Variants in CPEB1 observed in about 807,000 individuals in gnomAD.
The protein encoded by CPEB1 is cytoplasmic polyadenylation element-binding protein 1.
A neutral mutation model predicts 65.8 loss-of-function variants in CPEB1; 7 were observed. That is an observed-to-expected ratio of 0.11 (90% confidence interval 0.06 to 0.20). The LOEUF is 0.20. Among genes scored for constraint, CPEB1 ranks in the 10% least tolerant of loss-of-function variants. The pLI is 1.00. For missense variants in CPEB1, 551 were observed against 712.2 expected (o/e 0.77, Z 2.58); for synonymous variants, 262 against 260.0 (o/e 1.01, Z -0.08).
At chr15:82,617,679 G>A (rs986571138) in intron 3 of CPEB1, among the ~76,000 whole-genome samples, 26 of 149,780 alleles carry the variant, frequency 1.7e-4, no homozygotes, top group Non-Finnish European at 3.1e-4. Context: ...AATTCTCTAT[G>A]CTAGCTTTGT....
chr15:82,647,489 G>T (rs1162601006), upstream of CPEB1: 2 of 202,044 alleles, frequency 9.9e-6, no homozygotes, highest in East Asian at 1.1e-4. Context: ...CCCGTGCGAC[G>T]GCAGTGTGAG....
intron 3 of CPEB1, among the ~76,000 whole-genome samples, chr15:82,603,481 G>A (rs987776572): frequency 1.3e-5 from 2 of 150,824 alleles, no homozygotes; most frequent in African/African-American, 4.9e-5. Context: ...TGAAATATGA[G>A]GCTTTATAAA....
At chr15:82,646,443 G>A (rs2047535208) in intron 1 of CPEB1, among the ~76,000 whole-genome samples, 2 of 152,200 alleles carry the variant, frequency 1.3e-5, no homozygotes, top group African/African-American at 4.8e-5. Context: ...CAGGGCCGGG[G>A]CTGCAGGCGC....
At chr15:82,559,780 C>A (rs2037875354) in intron 4 of CPEB1, among the ~76,000 whole-genome samples, 1 of 152,194 alleles carries the variant, frequency 6.6e-6, no homozygotes, top group Admixed American at 6.5e-5. Context: ...TAATCCCTGA[C>A]AAACTTCTCA....
Position 82,585,727 on chromosome 15 carries a change from A to G in CPEB1, c.272-14195T>C, listed in dbSNP as rs1039830875. ...TTAAAATAGCATGCAAGTAATAAGT[A>G]AAAGATGATCACTTTCACATCTCGG... On this transcript the variant is annotated intron_variant, in intron 3 of 12. Transcript: ENST00000684509. Among the ~76,000 whole-genome samples the G allele has an allele frequency of 2.6e-5, 4 of 152,198 alleles. No individual in the cohort carries two copies. In the South Asian group the frequency reaches 8.3e-4, roughly 31 times the overall value.
chr15:82,629,835 C>T, intron 1 of CPEB1: 1 of 985,436 alleles, frequency 1.0e-6, no homozygotes, highest in Non-Finnish European at 1.2e-6. Flanking sequence ...TGACCAAGAG[C>T]ATTTACAGTT....
chr15:82,621,178 A>G (rs780339176), intron 3 of CPEB1, among the ~76,000 whole-genome samples: 2 of 152,248 alleles, frequency 1.3e-5, no homozygotes, highest in Non-Finnish European at 2.9e-5. Flanking sequence ...ATCCAGTACA[A>G]TAAGAAGTGA....
chr15:82,586,553 CAA>C (rs1417509714), intron 3 of CPEB1, among the ~76,000 whole-genome samples: 4 of 152,022 alleles, frequency 2.6e-5, no homozygotes, highest in Non-Finnish European at 4.4e-5. Context: ...TGGTCAGAAC[CAA>C]AAGTTACCTA....
intron 1 of CPEB1, among the ~76,000 whole-genome samples, chr15:82,637,148 A>C (rs1236247503): frequency 6.6e-6 from 1 of 152,216 alleles, no homozygotes; most frequent in Admixed American, 6.5e-5. Flanking sequence ...ACTTTGACCA[A>C]GATTTTCAAT....
chr15:82,566,760 C>G (rs2039198171), intron 4 of CPEB1, among the ~76,000 whole-genome samples: 1 of 152,128 alleles, frequency 6.6e-6, no homozygotes, highest in African/African-American at 2.4e-5. Context: ...ACACTGCTTC[C>G]CAGGTTCTCC....
intron 5 of CPEB1, 67 bp from the exon 6 acceptor site, chr15:82,556,189 T>A: frequency 6.9e-7 from 1 of 1,445,432 alleles, no homozygotes; most frequent in Non-Finnish European, 9.2e-7. Flanking sequence ...AATCACATTA[T>A]AGAAATTATT....
chr15:82,546,456 G>T lies in CPEB1; in HGVS notation c.1641C>A (p.Phe547Leu), dbSNP rs1051621864. The T allele has an allele frequency of 5.0e-6, 8 of 1,613,786 alleles. No individual in the cohort carries two copies. The highest frequency in any genetic ancestry group is 6.8e-6 in the Non-Finnish European group (8 of 1,179,776). Residue 547 changes from phenylalanine to leucine, a missense_variant, in exon 12 of 13, where the codon TTC becomes TTA. Transcript: ENST00000684509. ...TCGGACCCACCTGATCTCGACAGAA[G>T]AAAGGACCAGGCTGAGAACTGCAGA... The part of the protein sequence containing the change: ...CHICSSQPGP[F>L]FCRDQVCFKY...
At chr15:82,567,231 T>C (rs1194471710) in intron 4 of CPEB1, among the ~76,000 whole-genome samples, 2 of 152,010 alleles carry the variant, frequency 1.3e-5, no homozygotes, top group Non-Finnish European at 2.9e-5. Flanking sequence ...CAGATGAAAA[T>C]TGCTTAAGAC....
intron 12 of CPEB1, among the ~76,000 whole-genome samples, chr15:82,546,171 G>A (rs533377566): frequency 5.1e-4 from 77 of 152,082 alleles, no homozygotes; most frequent in South Asian, 2.1e-4. Flanking sequence ...GTGCAGTGGC[G>A]TGATCTCGAC....
chr15:82,577,532 T>A (rs557050340), intron 3 of CPEB1, among the ~76,000 whole-genome samples: 1 of 152,260 alleles, frequency 6.6e-6, no homozygotes, highest in South Asian at 2.1e-4. Flanking sequence ...TTGAGATGGA[T>A]TTTTAGAAAC....
chr15:82,560,218 G>C (rs774970768), intron 4 of CPEB1, among the ~76,000 whole-genome samples: 1 of 152,162 alleles, frequency 6.6e-6, no homozygotes, highest in African/African-American at 2.4e-5. Context: ...CTGGCAAAGA[G>C]GCACTGTGAA....
At chr15:82,561,721 C>T (rs1003703888) in intron 4 of CPEB1, among the ~76,000 whole-genome samples, 15 of 152,210 alleles carry the variant, frequency 9.9e-5, no homozygotes, top group Non-Finnish European at 2.2e-4. Flanking sequence ...CCTCTGCTAA[C>T]TTGAAAGTTC....
chr15:82,559,023 A>G (rs1025655042), intron 4 of CPEB1, among the ~76,000 whole-genome samples: 1 of 151,796 alleles, frequency 6.6e-6, no homozygotes, highest in Non-Finnish European at 1.5e-5. Flanking sequence ...CCAAAATCAT[A>G]TGTGTAAGTG....
chr15:82,609,182 T>C (rs2043901935), intron 3 of CPEB1, among the ~76,000 whole-genome samples: 1 of 152,178 alleles, frequency 6.6e-6, no homozygotes, highest in Non-Finnish European at 1.5e-5. Flanking sequence ...ATGAAAATAA[T>C]ACTTGGAAAG....
Sources: gnomAD v4.1 joint callset for allele counts (sites outside exome capture counted in the v4.1 genomes callset) on GRCh38, gnomAD v4.1.1 for gene constraint, MANE v1.5 for transcripts, NCBI Gene and HGNC (gene_info 2026-07-23, HGNC 2026-07-21) for gene names.